Variants in UBE2R2 observed in about 807,000 individuals in gnomAD.
UBE2R2 encodes the protein ubiquitin-conjugating enzyme E2 R2.
A neutral mutation model predicts 27.8 loss-of-function variants in UBE2R2; 1 was observed. The observed-to-expected ratio is 0.04, with a 90% confidence interval of 0.01 to 0.17. UBE2R2 has a LOEUF of 0.17. Among genes scored for constraint, UBE2R2 ranks in the 10% least tolerant of loss-of-function variants. The pLI is 1.00. For missense variants in UBE2R2, 100 were observed against 291.0 expected (o/e 0.34, Z 4.78); for synonymous variants, 106 against 113.3 (o/e 0.94, Z 0.41).
At chr9:33,836,309 T>C (rs999429033) in intron 1 of UBE2R2, among the ~76,000 whole-genome samples, 2 of 152,208 alleles carry the variant, frequency 1.3e-5, no homozygotes, top group Non-Finnish European at 2.9e-5. Flanking sequence ...GGTACAAGTA[T>C]ACCATTTTTG....
intron 1 of UBE2R2, among the ~76,000 whole-genome samples, chr9:33,856,866 C>T (rs1044135732): frequency 9.7e-5 from 14 of 144,464 alleles, no homozygotes; most frequent in African/African-American, 3.1e-4. Context: ...TCCGTCTGTC[C>T]GTCCTTCCTT....
At chr9:33,833,317 G>A (rs1587430821) in intron 1 of UBE2R2, among the ~76,000 whole-genome samples, 1 of 152,162 alleles carries the variant, frequency 6.6e-6, no homozygotes, top group East Asian at 1.9e-4. Flanking sequence ...CGCCTGCCTT[G>A]GCCTCCCAAA....
intron 1 of UBE2R2, among the ~76,000 whole-genome samples, chr9:33,851,975 A>G (rs1820978043): frequency 6.6e-6 from 1 of 152,162 alleles, no homozygotes. Context: ...TAATTATCTG[A>G]TTGGTAGTAA....
At chr9:33,886,270 C>T (rs189644299) in intron 1 of UBE2R2, among the ~76,000 whole-genome samples, 7 of 152,214 alleles carry the variant, frequency 4.6e-5, no homozygotes, top group African/African-American at 1.7e-4. Flanking sequence ...ATAAAATGTA[C>T]AGAGTACTGT....
chr9:33,883,912 C>T (rs1473369155), intron 1 of UBE2R2, among the ~76,000 whole-genome samples: 1 of 151,710 alleles, frequency 6.6e-6, no homozygotes, highest in African/African-American at 2.4e-5. Context: ...CTGTAAATCC[C>T]AGCACTTTGG....
At chr9:33,825,908 G>A (rs1429142167) in intron 1 of UBE2R2, among the ~76,000 whole-genome samples, 4 of 152,058 alleles carry the variant, frequency 2.6e-5, no homozygotes, top group Non-Finnish European at 4.4e-5. Flanking sequence ...TTTGGGAGGC[G>A]GAGGTGGGCA....
At chr9:33,878,423 T>C (rs1031900912) in intron 1 of UBE2R2, among the ~76,000 whole-genome samples, 1 of 152,124 alleles carries the variant, frequency 6.6e-6, no homozygotes, top group Non-Finnish European at 1.5e-5. Flanking sequence ...GAGACCAGTC[T>C]TGGAAACATG....
At chr9:33,823,875 C>T (rs1820232273) in intron 1 of UBE2R2, among the ~76,000 whole-genome samples, 1 of 152,150 alleles carries the variant, frequency 6.6e-6, no homozygotes, top group Non-Finnish European at 1.5e-5. Context: ...TAAACAGCTC[C>T]TTTAAAATTA....
intron 1 of UBE2R2, among the ~76,000 whole-genome samples, chr9:33,861,306 G>C (rs1821231313): frequency 6.7e-6 from 1 of 149,450 alleles, no homozygotes; most frequent in Non-Finnish European, 1.5e-5. Context: ...GGTGGCTCAT[G>C]CCTCTAATCA....
chr9:33,883,850 CTTAAAT>C (rs1821790031), intron 1 of UBE2R2, among the ~76,000 whole-genome samples: 1 of 149,718 alleles, frequency 6.7e-6, no homozygotes, highest in South Asian at 2.1e-4. Context: ...TTTTGTACTT[CTTAAAT>C]TTAGTCATCA....
At chr9:33,910,371 ACT>A (rs1822457695) in intron 3 of UBE2R2, among the ~76,000 whole-genome samples, 2 of 150,990 alleles carry the variant, frequency 1.3e-5, no homozygotes, top group African/African-American at 4.9e-5. Flanking sequence ...ATGGTCTCAA[ACT>A]CCTGACCTCA....
rs188038444 is a variant in UBE2R2, at chr9:33,883,270, G to A, written c.178-3611G>A. 1.1e-3 allele frequency among the ~76,000 whole-genome samples: 167 copies of A among 152,144 alleles called. 1 individual carries two copies. Among genetic ancestry groups the A allele is most frequent in the African/African-American group, 3.9e-3 (160 of 41,508 alleles). Reference sequence around the variant, plus strand: ...TAGTCCTCCAATTCAATTCATTGTTGACACTGTCTACCTGGAGATAACATC... The same window carrying A: ...TAGTCCTCCAATTCAATTCATTGTTAACACTGTCTACCTGGAGATAACATC... On this transcript the variant is annotated intron_variant, in intron 1 of 4. Coordinates refer to ENST00000263228, the MANE Select transcript of UBE2R2 (RefSeq NM_017811.4).
chr9:33,851,695 C>G (rs886209094), intron 1 of UBE2R2, among the ~76,000 whole-genome samples: 8 of 152,026 alleles, frequency 5.3e-5, no homozygotes, highest in African/African-American at 1.9e-4. Context: ...TTACTTTTTC[C>G]TTGTAATTCA....
intron 4 of UBE2R2, among the ~76,000 whole-genome samples, chr9:33,913,333 A>G (rs1822537635): frequency 6.6e-6 from 1 of 152,192 alleles, no homozygotes; most frequent in Non-Finnish European, 1.5e-5. Context: ...GTGTGATTAC[A>G]TGGTAACTTC....
intron 3 of UBE2R2, 110 bp downstream of exon 3, chr9:33,900,381 T>C: frequency 4.1e-6 from 3 of 739,520 alleles, no homozygotes; most frequent in Non-Finnish European, 6.5e-6. Context: ...ATCTTTCTTA[T>C]ATTCAGTTTC....
At chr9:33,902,598 G>A (rs1312434472) in intron 3 of UBE2R2, among the ~76,000 whole-genome samples, 1 of 152,162 alleles carries the variant, frequency 6.6e-6, no homozygotes, top group East Asian at 1.9e-4. Context: ...ATTGCTAGAT[G>A]CCTGTATCGT....
chr9:33,912,144 A>G, intron 4 of UBE2R2, 46 bp downstream of exon 4: 1 of 1,509,674 alleles, frequency 6.6e-7, no homozygotes, highest in Non-Finnish European at 9.1e-7. Flanking sequence ...AAACCAAAAT[A>G]TATTCTGGAA....
At chr9:33,838,008 GCCA>G (rs1188305384) in intron 1 of UBE2R2, among the ~76,000 whole-genome samples, 1 of 152,000 alleles carries the variant, frequency 6.6e-6, no homozygotes, top group African/African-American at 2.4e-5. Flanking sequence ...TCATATATAA[GCCA>G]TTATTTACAG....
At chr9:33,818,075 C>T in intron 1 of UBE2R2, 141 bp downstream of exon 1, 1 of 1,006,154 alleles carries the variant, frequency 9.9e-7, no homozygotes, top group Non-Finnish European at 1.4e-6. Context: ...CTCCCCCATC[C>T]CTGGAGGCAG....
Sources: allele counts gnomAD v4.1 joint callset (sites outside exome capture counted in the v4.1 genomes callset), GRCh38; gene constraint gnomAD v4.1.1; transcripts MANE v1.5; gene names NCBI Gene and HGNC (gene_info 2026-07-23, HGNC 2026-07-21).